The following ZSCAN4 variants were observed in gnomAD, a reference collection of about 807,000 sequenced individuals.
ZSCAN4 encodes the protein zinc finger and SCAN domain containing 4, also known as zinc finger and SCAN domain-containing protein 4.
In ZSCAN4, 18 loss-of-function variants were observed where a neutral mutation model predicts 18.3. The ratio of observed to expected loss-of-function variants is 0.98; its 90% CI spans 0.68 to 1.46. The LOEUF is 1.46. Ranked by LOEUF, ZSCAN4 falls within the 40% of genes most tolerant of loss-of-function variation. The probability of loss-of-function intolerance (pLI) is 0.00; values close to 1 mark genes in which losing one functional copy is unlikely to be tolerated. For synonymous variants in ZSCAN4, 193 were observed against 180.3 expected, an observed-to-expected ratio of 1.07 and a Z score of -0.57; for missense variants, 498 against 511.4, an observed-to-expected ratio of 0.97 and a Z score of 0.25.
At chr19:57,651,898 C>G in the ZSCAN4 span, among the ~76,000 whole-genome samples, 1 of 152,124 alleles carries the variant, frequency 6.6e-6, no homozygotes, top group Non-Finnish European at 1.5e-5. Flanking sequence ...TTCCCCCTTT[C>G]CCCCTCTGGA....
the ZSCAN4 span, among the ~76,000 whole-genome samples, chr19:57,658,337 G>A: frequency 6.6e-6 from 1 of 152,062 alleles, no homozygotes; most frequent in Non-Finnish European, 1.5e-5. Context: ...AGGAAGGGGC[G>A]GACTGCAAAG....
At chr19:57,666,107 C>T (rs986416416), upstream of ZSCAN4, among the ~76,000 whole-genome samples, 1 of 152,070 alleles carries the variant, frequency 6.6e-6, no homozygotes, top group Non-Finnish European at 1.5e-5. Flanking sequence ...TTGAAGAATG[C>T]GCTTTTTAAA....
chr19:57,663,020 C>A, the ZSCAN4 span, among the ~76,000 whole-genome samples: 1 of 149,706 alleles, frequency 6.7e-6, no homozygotes, highest in Non-Finnish European at 1.5e-5. Flanking sequence ...CTGCCCCTCA[C>A]CCCCCACCCC....
chr19:57,654,072 A>G, the ZSCAN4 span, among the ~76,000 whole-genome samples: 1 of 152,162 alleles, frequency 6.6e-6, no homozygotes, highest in Non-Finnish European at 1.5e-5. Flanking sequence ...CAACATACTC[A>G]GTTCTACCAG....
At chr19:57,668,835 T>G (rs559545721), upstream of ZSCAN4, 1 of 152,232 alleles carries the variant, frequency 6.6e-6, no homozygotes. Flanking sequence ...TGTCATCTTT[T>G]TGATGGATTA....
intron 2 of ZSCAN4, among the ~76,000 whole-genome samples, chr19:57,673,715 A>G (rs1253965312): frequency 6.6e-6 from 1 of 151,932 alleles, no homozygotes; most frequent in Non-Finnish European, 1.5e-5. Flanking sequence ...TTCTACTCTC[A>G]GTTTCTAATA....
At chr19:57,662,453 A>G in the ZSCAN4 span, among the ~76,000 whole-genome samples, 12 of 152,188 alleles carry the variant, frequency 7.9e-5, no homozygotes, top group African/African-American at 2.6e-4. Flanking sequence ...TTAATATTTC[A>G]TTTTATTAAA....
the ZSCAN4 span, among the ~76,000 whole-genome samples, chr19:57,663,519 C>CAAAAAAAAA: frequency 5.5e-5 from 1 of 18,282 alleles, no homozygotes; most frequent in African/African-American, 2.2e-4. Flanking sequence ...AACCATGTCT[C>CAAAAAAAAA]TAAAAAAAAA....
At chr19:57,673,045 A>T (rs150108605) in intron 2 of ZSCAN4, among the ~76,000 whole-genome samples, 5,396 of 151,862 alleles carry the variant, frequency 0.036, 243 homozygotes, top group African/African-American at 0.1. Context: ...TTAATTAATT[A>T]ATTTATTTAT....
chr19:57,659,311 G>A, the ZSCAN4 span, among the ~76,000 whole-genome samples: 135 of 152,182 alleles, frequency 8.9e-4, no homozygotes, highest in Middle Eastern at 6.8e-3. Flanking sequence ...TAAGTTCCAT[G>A]TAGGCAATTT....
At chr19:57,677,262 T>A (rs1320039003) in intron 3 of ZSCAN4, among the ~76,000 whole-genome samples, 4 of 152,216 alleles carry the variant, frequency 2.6e-5, no homozygotes, top group Non-Finnish European at 5.9e-5. Context: ...ACCTGAGGCA[T>A]CTTCTCCGTC....
chr19:57,667,309 A>C (rs566767228), upstream of ZSCAN4, among the ~76,000 whole-genome samples: 1 of 152,248 alleles, frequency 6.6e-6, no homozygotes, highest in Admixed American at 6.5e-5. Context: ...TTCCCTAGAA[A>C]GCTGCTGGTT....
intron 2 of ZSCAN4, among the ~76,000 whole-genome samples, chr19:57,673,858 A>G (rs1005728473): frequency 3.9e-5 from 6 of 152,058 alleles, no homozygotes; most frequent in Non-Finnish European, 8.8e-5. Flanking sequence ...AGTTCAACCC[A>G]TTCTCCTTGC....
At chr19:57,651,996 A>T in the ZSCAN4 span, among the ~76,000 whole-genome samples, 136 of 152,086 alleles carry the variant, frequency 8.9e-4, no homozygotes, top group East Asian at 2.5e-3. Flanking sequence ...TTCTCAGGGG[A>T]TGTCCTCAGA....
At position 57,676,654 on chromosome 19, in the gene ZSCAN4, G is replaced by C. The variant is rs1984200655; in HGVS notation, c.396+113G>C. ...GAAGCTATTGGAGGTCCAGTTATTA[G>C]TCAGCTCACACTCTCCCACCATTCT... On this transcript the variant is annotated intron_variant, in intron 3 of 4. Transcript: ENST00000318203. 3.3e-6 allele frequency: 4 copies of C among 1,204,134 alleles called. No individual in the cohort carries two copies. The South Asian group carries it at 6.3e-5, about 19-fold the overall frequency. The allele number at this position is 1,204,134 out of a possible 1,614,324, so 74.6% of individuals were successfully genotyped here.
At chr19:57,662,045 C>T in the ZSCAN4 span, among the ~76,000 whole-genome samples, 1 of 146,460 alleles carries the variant, frequency 6.8e-6, no homozygotes, top group African/African-American at 2.5e-5. Flanking sequence ...TGCACCACTA[C>T]ACTCCAGCCT....
chr19:57,661,716 C>T, the ZSCAN4 span, among the ~76,000 whole-genome samples: 17 of 152,270 alleles, frequency 1.1e-4, no homozygotes, highest in Admixed American at 1.0e-3. Flanking sequence ...TAAAAGTAGA[C>T]CTGTATAAAT....
At chr19:57,672,784 A>G (rs1453699135) in intron 2 of ZSCAN4, among the ~76,000 whole-genome samples, 1 of 151,878 alleles carries the variant, frequency 6.6e-6, no homozygotes, top group Non-Finnish European at 1.5e-5. Context: ...TGAATTTTTA[A>G]TAGAGGTGGG....
chr19:57,670,625 T>C (rs1156581690), intron 2 of ZSCAN4, 58 bp downstream of exon 2: 1 of 152,096 alleles, frequency 6.6e-6, no homozygotes, highest in Admixed American at 6.5e-5. Flanking sequence ...ACATTTTGTG[T>C]CTTTGAGTGT....
Sources: gnomAD v4.1 joint callset for allele counts (sites outside exome capture counted in the v4.1 genomes callset) on GRCh38, gnomAD v4.1.1 for gene constraint, MANE v1.5 for transcripts, NCBI Gene and HGNC (gene_info 2026-07-23, HGNC 2026-07-21) for gene names.